Variants in CNTLN observed in about 807,000 individuals in gnomAD.
CNTLN encodes centlein, also known as centlein, centrosomal protein.
A neutral mutation model predicts 180.0 loss-of-function variants in CNTLN; 212 were observed. The observed-to-expected ratio is 1.18, with a 90% CI of 1.05 to 1.32. The LOEUF is 1.32. Ranked by LOEUF, CNTLN falls within the 40% of genes most tolerant of loss-of-function variation. The pLI is 0.00. For missense variants in CNTLN, 2,095 were observed against 1,610.9 expected, an observed-to-expected ratio of 1.30 and a Z score of -5.14; for synonymous variants, 722 against 563.1, an observed-to-expected ratio of 1.28 and a Z score of -3.99.
intron 2 of CNTLN, among the ~76,000 whole-genome samples, chr9:17,183,641 A>G (rs570299310): frequency 2.6e-5 from 4 of 152,048 alleles, no homozygotes; most frequent in South Asian, 2.1e-4. Flanking sequence ...ATTCCTTTCA[A>G]TGCCTTTGGT....
intron 7 of CNTLN, among the ~76,000 whole-genome samples, chr9:17,307,102 A>C (rs1239273095): frequency 6.6e-6 from 1 of 152,162 alleles, no homozygotes; most frequent in African/African-American, 2.4e-5. Context: ...TGGAAATGAC[A>C]TTGGACATGC....
At chr9:17,471,008 A>G (rs1191206045) in intron 23 of CNTLN, among the ~76,000 whole-genome samples, 1 of 152,036 alleles carries the variant, frequency 6.6e-6, no homozygotes, top group African/African-American at 2.4e-5. Context: ...ATACAATTCA[A>G]GTTGAATTAA....
intron 13 of CNTLN, among the ~76,000 whole-genome samples, chr9:17,373,015 GC>G (rs1338746797): frequency 2.0e-5 from 3 of 152,098 alleles, no homozygotes; most frequent in African/African-American, 7.2e-5. Flanking sequence ...CAGAGCTATT[GC>G]TGGTTATCAT....
the CNTLN span, among the ~76,000 whole-genome samples, chr9:17,524,978 C>T: frequency 1.3e-5 from 2 of 152,260 alleles, no homozygotes; most frequent in Admixed American, 6.5e-5. Context: ...TCAGTTAAGA[C>T]CACTCTGTGA....
At chr9:17,303,815 G>C (rs976828901) in intron 7 of CNTLN, among the ~76,000 whole-genome samples, 6 of 152,030 alleles carry the variant, frequency 3.9e-5, no homozygotes, top group Non-Finnish European at 7.4e-5. Context: ...TTTTCACATA[G>C]ATTCATTTTA....
intron 5 of CNTLN, among the ~76,000 whole-genome samples, chr9:17,248,395 T>C (rs75979086): frequency 0.019 from 2,819 of 152,074 alleles, 90 homozygotes; most frequent in African/African-American, 0.065. Flanking sequence ...TTTTGATAAC[T>C]GATTCAGTCT....
intron 3 of CNTLN, among the ~76,000 whole-genome samples, chr9:17,229,566 T>C (rs1388104525): frequency 2.0e-5 from 3 of 152,070 alleles, no homozygotes; most frequent in Non-Finnish European, 4.4e-5. Context: ...GGAGGTAGAA[T>C]TTCTTCCTCC....
chr9:17,162,654 C>A (rs754912897), intron 2 of CNTLN, among the ~76,000 whole-genome samples: 1 of 152,180 alleles, frequency 6.6e-6, no homozygotes, highest in Non-Finnish European at 1.5e-5. Flanking sequence ...ATTTTTCCAT[C>A]TGGATGTTTC....
At chr9:17,333,352 C>T (rs1820770563) in intron 10 of CNTLN, among the ~76,000 whole-genome samples, 1 of 152,188 alleles carries the variant, frequency 6.6e-6, no homozygotes, top group East Asian at 1.9e-4. Flanking sequence ...ACATATTGAA[C>T]CCATTTTGTG....
At chr9:17,415,234 C>T (rs1828139567) in intron 16 of CNTLN, among the ~76,000 whole-genome samples, 1 of 152,094 alleles carries the variant, frequency 6.6e-6, no homozygotes, top group South Asian at 2.1e-4. Context: ...AAACATACAG[C>T]TTCAGGAAGT....
intron 12 of CNTLN, among the ~76,000 whole-genome samples, chr9:17,357,443 T>G (rs1167653588): frequency 6.6e-6 from 1 of 151,540 alleles, no homozygotes; most frequent in East Asian, 1.9e-4. Context: ...TGTTTATCCC[T>G]TAGGTTGTAT....
chr9:17,242,400 C>T (rs1254112304), intron 5 of CNTLN, among the ~76,000 whole-genome samples: 1 of 152,110 alleles, frequency 6.6e-6, no homozygotes, highest in Non-Finnish European at 1.5e-5. Flanking sequence ...ACCTCCACCT[C>T]CTGGGTTCAA....
chr9:17,475,391 A>T (rs1832275441), intron 23 of CNTLN, among the ~76,000 whole-genome samples: 1 of 151,636 alleles, frequency 6.6e-6, no homozygotes, highest in African/African-American at 2.4e-5. Context: ...TTAAATATAT[A>T]TTTGAAATAT....
At chr9:17,441,226 G>A (rs954828492) in intron 18 of CNTLN, among the ~76,000 whole-genome samples, 1 of 152,090 alleles carries the variant, frequency 6.6e-6, no homozygotes, top group Non-Finnish European at 1.5e-5. Context: ...AGTTCTTCAA[G>A]TTGAAACAAA....
chr9:17,300,290 T>A (rs1818255359), intron 7 of CNTLN: 1 of 152,202 alleles, frequency 6.6e-6, no homozygotes, highest in Non-Finnish European at 1.5e-5. Context: ...ATTTTTTGAT[T>A]TGTATGCTCT....
At chr9:17,239,683 A>T (rs938370048) in intron 5 of CNTLN, among the ~76,000 whole-genome samples, 1 of 152,052 alleles carries the variant, frequency 6.6e-6, no homozygotes, top group Non-Finnish European at 1.5e-5. Flanking sequence ...ATGCTTTTGT[A>T]TGTGTTATTT....
At chr9:17,253,122 G>T (rs1300527240) in intron 5 of CNTLN, among the ~76,000 whole-genome samples, 1 of 151,554 alleles carries the variant, frequency 6.6e-6, no homozygotes, top group Non-Finnish European at 1.5e-5. Context: ...TTGTTTCATT[G>T]GTCTATGTGT....
intron 5 of CNTLN, among the ~76,000 whole-genome samples, chr9:17,262,687 A>G (rs1827088371): frequency 6.6e-6 from 1 of 151,422 alleles, no homozygotes; most frequent in Non-Finnish European, 1.5e-5. Context: ...GCACATGTAT[A>G]CCCATGCAAC....
At chr9:17,181,949 C>T (rs115803412) in intron 2 of CNTLN, among the ~76,000 whole-genome samples, 2,889 of 152,288 alleles carry the variant, frequency 0.019, 58 homozygotes, top group African/African-American at 0.05. Flanking sequence ...TCCTTGGCCT[C>T]CTCTGACACA....
Sources: gnomAD v4.1 joint callset for allele counts (sites outside exome capture counted in the v4.1 genomes callset) on GRCh38, gnomAD v4.1.1 for gene constraint, MANE v1.5 for transcripts, NCBI Gene and HGNC (gene_info 2026-07-23, HGNC 2026-07-21) for gene names.